The following LAMA2 variants were observed in gnomAD, a reference collection of about 807,000 sequenced individuals.
LAMA2 encodes the protein laminin subunit alpha 2, also known as laminin subunit alpha-2.
LAMA2 carries 269 observed loss-of-function variants against 364.8 expected under a neutral mutation model. The observed-to-expected ratio is 0.74, with a 90% CI of 0.67 to 0.82. LAMA2 has a LOEUF of 0.82. Ranked by LOEUF, LAMA2 falls within the 40% of genes least tolerant of loss-of-function variation. The probability of loss-of-function intolerance (pLI) is 0.00; values close to 1 mark genes in which losing one functional copy is unlikely to be tolerated. For synonymous variants in LAMA2, 1,379 were observed against 1,370.6 expected, an observed-to-expected ratio of 1.01 and a Z score of -0.14; for missense variants, 3,807 against 3,873.2, an observed-to-expected ratio of 0.98 and a Z score of 0.45.
chr6:129,134,118 T>G (rs887076263), intron 4 of LAMA2, among the ~76,000 whole-genome samples: 1 of 152,238 alleles, frequency 6.6e-6, no homozygotes, highest in Non-Finnish European at 1.5e-5. Context: ...TCCTTTGAGC[T>G]GCTGTTATCT....
At chr6:129,181,867 C>T (rs1780951228) in intron 10 of LAMA2, among the ~76,000 whole-genome samples, 1 of 151,578 alleles carries the variant, frequency 6.6e-6, no homozygotes, top group African/African-American at 2.4e-5. Flanking sequence ...ATAAGTCTAC[C>T]CCTAGTAGAA....
At chr6:129,249,427 A>G (rs1040832588) in intron 12 of LAMA2, among the ~76,000 whole-genome samples, 4 of 152,188 alleles carry the variant, frequency 2.6e-5, no homozygotes, top group Admixed American at 2.0e-4. Flanking sequence ...AATGTCAGAA[A>G]ATGTAAACCT....
intron 32 of LAMA2, among the ~76,000 whole-genome samples, chr6:129,358,066 G>A (rs4489171): frequency 0.91 from 138,307 of 152,050 alleles, 62,907 homozygotes; most frequent in East Asian, 0.97. Context: ...ATAGTTTTCT[G>A]TAGTCTAAGC....
chr6:128,975,419 G>T (rs1159102638), intron 1 of LAMA2, among the ~76,000 whole-genome samples: 1 of 152,068 alleles, frequency 6.6e-6, no homozygotes, highest in African/African-American at 2.4e-5. Context: ...TTTAGCTTGG[G>T]AGGAGGGCCC....
chr6:129,343,005 G>T (rs1462666279), intron 30 of LAMA2, among the ~76,000 whole-genome samples: 1 of 152,060 alleles, frequency 6.6e-6, no homozygotes, highest in Non-Finnish European at 1.5e-5. Flanking sequence ...TCTTAAGATG[G>T]TCTGAGCTTG....
At chr6:129,132,325 C>G (rs1443955205) in intron 4 of LAMA2, among the ~76,000 whole-genome samples, 1 of 152,234 alleles carries the variant, frequency 6.6e-6, no homozygotes, top group East Asian at 1.9e-4. Context: ...CGCCACCACG[C>G]CTGGCTAATT....
chr6:129,479,266 A>G (rs1733586371), intron 54 of LAMA2, among the ~76,000 whole-genome samples: 1 of 152,194 alleles, frequency 6.6e-6, no homozygotes, highest in African/African-American at 2.4e-5. Flanking sequence ...GTTGTCTACA[A>G]ACTTGAAGTC....
At chr6:129,484,734 A>G (rs1366670628) in intron 55 of LAMA2, among the ~76,000 whole-genome samples, 2 of 152,224 alleles carry the variant, frequency 1.3e-5, no homozygotes, top group African/African-American at 2.4e-5. Flanking sequence ...ACACATGTGA[A>G]TTTCAAAAAT....
Position 129,328,418 on chromosome 6 carries a change from C to A in LAMA2, c.4311+6C>A. On this transcript the variant is annotated splice_donor_region_variant and intron_variant, in intron 29 of 64. Transcript: ENST00000421865. Reference sequence around the variant, plus strand: ...CTGAAACATCGATATGCCAGGTAGTCCTCTGAGCCTTCCTTGAACAAGGTC... The same window carrying A: ...CTGAAACATCGATATGCCAGGTAGTACTCTGAGCCTTCCTTGAACAAGGTC... 1 of 1,614,100 alleles carries A rather than the reference C, an allele frequency of 6.2e-7. No individual in the cohort carries two copies. The highest frequency in any genetic ancestry group is 8.5e-7 in the Non-Finnish European group (1 of 1,180,006).
chr6:128,970,409 GA>G (rs984191403), intron 1 of LAMA2, among the ~76,000 whole-genome samples: 1 of 152,064 alleles, frequency 6.6e-6, no homozygotes, highest in Non-Finnish European at 1.5e-5. Flanking sequence ...TATGACCTAC[GA>G]ATGTTAAGAG....
intron 1 of LAMA2, among the ~76,000 whole-genome samples, chr6:128,972,140 A>G (rs1782223505): frequency 6.6e-6 from 1 of 152,198 alleles, no homozygotes; most frequent in Non-Finnish European, 1.5e-5. Flanking sequence ...CAAGAATTCT[A>G]GCTGGTAACA....
chr6:129,336,230 C>T (rs908496532), intron 29 of LAMA2, among the ~76,000 whole-genome samples: 6 of 151,840 alleles, frequency 4.0e-5, no homozygotes, highest in South Asian at 2.1e-4. Flanking sequence ...AGGCCAAGAG[C>T]GGAGGATCCA....
chr6:128,933,250 G>C (rs113790984), intron 1 of LAMA2, among the ~76,000 whole-genome samples: 1 of 147,292 alleles, frequency 6.8e-6, no homozygotes, highest in African/African-American at 2.7e-5. Flanking sequence ...GTGTGTGTGT[G>C]TGTGTGTGTG....
intron 12 of LAMA2, among the ~76,000 whole-genome samples, chr6:129,220,572 A>G (rs1227293479): frequency 6.6e-6 from 1 of 152,260 alleles, no homozygotes; most frequent in African/African-American, 2.4e-5. Flanking sequence ...TAGAAAATAT[A>G]ATTATCTAAC....
chr6:129,354,674 G>A (rs1201370167), intron 32 of LAMA2, among the ~76,000 whole-genome samples: 1 of 151,992 alleles, frequency 6.6e-6, no homozygotes, highest in Non-Finnish European at 1.5e-5. Flanking sequence ...GAAATAAAAA[G>A]ATCATATTAA....
At chr6:129,424,232 A>G (rs1356140445) in intron 40 of LAMA2, among the ~76,000 whole-genome samples, 1 of 152,042 alleles carries the variant, frequency 6.6e-6, no homozygotes, top group African/African-American at 2.4e-5. Context: ...CTCAAAAGAG[A>G]TGCTAGACCT....
At chr6:128,970,917 C>T (rs961777955) in intron 1 of LAMA2, among the ~76,000 whole-genome samples, 15 of 152,072 alleles carry the variant, frequency 9.9e-5, no homozygotes, top group African/African-American at 3.4e-4. Context: ...TCTCTTAAAG[C>T]GGAATTTATT....
In LAMA2 at chr6:129,246,936, T is replaced by C. The variant is rs766178431; in HGVS notation, c.1783-3176T>C. ...ATAGCATCCTTCAGAAAAGAAGTCT[T>C]GTAACTGACTCATTGCAAAGTCTCT... On this transcript the variant is annotated intron_variant, in intron 12 of 64. Coordinates refer to ENST00000421865, the MANE Select transcript of LAMA2 (RefSeq NM_000426.4). Among the ~76,000 whole-genome samples, 100 of 152,130 alleles carry C rather than the reference T, an allele frequency of 6.6e-4. 2 individuals are homozygous for C. The highest frequency in any genetic ancestry group is 7.2e-4 in the Admixed American group (11 of 15,260).
chr6:129,499,681 CG>C, intron 58 of LAMA2, among the ~76,000 whole-genome samples: 1 of 152,196 alleles, frequency 6.6e-6, no homozygotes, highest in African/African-American at 2.4e-5. Context: ...GAAGCAACAC[CG>C]GGCAAAGCAA....
Sources: allele counts gnomAD v4.1 joint callset (sites outside exome capture counted in the v4.1 genomes callset), GRCh38; gene constraint gnomAD v4.1.1; transcripts MANE v1.5; gene names NCBI Gene and HGNC (gene_info 2026-07-23, HGNC 2026-07-21).